The following SENP6 variants were observed in gnomAD, a reference collection of about 807,000 sequenced individuals.
SENP6 encodes the protein sentrin-specific protease 6.
In SENP6, 41 loss-of-function variants were observed where a neutral mutation model predicts 134.5. The observed-to-expected ratio is 0.30, with a 90% confidence interval of 0.24 to 0.40. The LOEUF (loss-of-function observed/expected upper bound fraction) is 0.40, where lower values mean the gene tolerates loss of function less well. Ranked by LOEUF, SENP6 falls within the 10% of genes least tolerant of loss-of-function variation. The pLI is 1.00. For missense variants in SENP6, 1,248 were observed against 1,312.5 expected (o/e 0.95, Z 0.76); for synonymous variants, 395 against 429.8 (o/e 0.92, Z 1.00).
chr6:75,634,618 G>C, intron 4 of SENP6, 89 bp from the exon 5 acceptor site: 1 of 654,516 alleles, frequency 1.5e-6, no homozygotes, highest in South Asian at 2.5e-5. Flanking sequence ...AGGTTTTTGT[G>C]TGTTTGTTCA....
At chr6:75,621,932 C>T (rs557152971) in intron 2 of SENP6, among the ~76,000 whole-genome samples, 50 of 152,262 alleles carry the variant, frequency 3.3e-4, no homozygotes, top group African/African-American at 1.1e-3. Flanking sequence ...AAAAGGCATT[C>T]TGTTCAGGCA....
intron 20 of SENP6, among the ~76,000 whole-genome samples, chr6:75,710,251 A>G (rs1480731308): frequency 6.6e-6 from 1 of 152,152 alleles, no homozygotes; most frequent in Non-Finnish European, 1.5e-5. Context: ...ATATTTAATT[A>G]AAGTTAATAT....
At chr6:75,613,005 T>C (rs993220285) in intron 1 of SENP6, among the ~76,000 whole-genome samples, 3 of 151,988 alleles carry the variant, frequency 2.0e-5, no homozygotes, top group Admixed American at 2.0e-4. Flanking sequence ...TCCCAGCTAC[T>C]TGGGAGGCTG....
chr6:75,640,767 T>A (rs975873897), intron 6 of SENP6, 63 bp downstream of exon 6: 1 of 1,058,204 alleles, frequency 9.4e-7, no homozygotes, highest in Admixed American at 2.9e-5. Context: ...ATTATTTATA[T>A]GTTTTGAAAA....
At chr6:75,650,709 A>C (rs2149852321) in intron 7 of SENP6, among the ~76,000 whole-genome samples, 1 of 152,318 alleles carries the variant, frequency 6.6e-6, no homozygotes, top group African/African-American at 2.4e-5. Flanking sequence ...AGGTAGGTAC[A>C]TGTATGCTTG....
intron 1 of SENP6, among the ~76,000 whole-genome samples, chr6:75,613,707 T>C (rs1767634988): frequency 6.6e-6 from 1 of 152,092 alleles, no homozygotes; most frequent in Non-Finnish European, 1.5e-5. Context: ...GACATGCTGC[T>C]CATTTAACCG....
intron 1 of SENP6, among the ~76,000 whole-genome samples, 154 bp from the exon 2 acceptor site, chr6:75,621,378 C>T (rs927168530): frequency 2.0e-5 from 3 of 152,102 alleles, no homozygotes; most frequent in Non-Finnish European, 4.4e-5. Context: ...TTCTTTTTCT[C>T]TTTGGAGGAA....
chr6:75,703,498 C>T (rs745537366), intron 19 of SENP6, among the ~76,000 whole-genome samples: 14 of 152,084 alleles, frequency 9.2e-5, no homozygotes, highest in Non-Finnish European at 1.9e-4. Flanking sequence ...CAGTGGCTCA[C>T]GACTGTAATC....
chr6:75,614,813 T>C (rs1000340693), intron 1 of SENP6, among the ~76,000 whole-genome samples: 1 of 152,314 alleles, frequency 6.6e-6, no homozygotes, highest in Non-Finnish European at 1.5e-5. Context: ...AATTAGATGT[T>C]TGCTGAAGGT....
intron 3 of SENP6, among the ~76,000 whole-genome samples, chr6:75,633,014 G>A (rs1193880512): frequency 1.3e-5 from 2 of 152,096 alleles, no homozygotes; most frequent in Non-Finnish European, 1.5e-5. Flanking sequence ...TTTTATAATT[G>A]TATGATAAAG....
chr6:75,664,260 TAAAA>T, intron 9 of SENP6, among the ~76,000 whole-genome samples: 1 of 140,504 alleles, frequency 7.1e-6, no homozygotes, highest in Non-Finnish European at 1.6e-5. Flanking sequence ...ACCCTGTTGC[TAAAA>T]AAAAAAAACA....
chr6:75,681,593 G>T (rs1013563915), intron 16 of SENP6, among the ~76,000 whole-genome samples: 19 of 151,994 alleles, frequency 1.3e-4, no homozygotes, highest in African/African-American at 4.6e-4. Flanking sequence ...CAGGTAGCTT[G>T]GATTACAGGT....
chr6:75,698,638 C>A (rs1193807481), intron 18 of SENP6, among the ~76,000 whole-genome samples: 1 of 152,068 alleles, frequency 6.6e-6, no homozygotes, highest in Non-Finnish European at 1.5e-5. Flanking sequence ...CCTAGCAAAG[C>A]TATATATTTT....
intron 6 of SENP6, among the ~76,000 whole-genome samples, chr6:75,643,646 T>C (rs1770200418): frequency 6.6e-6 from 1 of 152,108 alleles, no homozygotes; most frequent in African/African-American, 2.4e-5. Context: ...TGCTTGAACC[T>C]GGGAGGCGAA....
At chr6:75,657,814 T>G (rs1475965631) in intron 7 of SENP6, among the ~76,000 whole-genome samples, 1 of 152,142 alleles carries the variant, frequency 6.6e-6, no homozygotes, top group Admixed American at 6.5e-5. Context: ...AAGAAGAGTT[T>G]GAATTCACCA....
chr6:75,677,923 G>T (rs1773205090), intron 14 of SENP6: 2 of 152,198 alleles, frequency 1.3e-5, no homozygotes. Context: ...TACAAACTTG[G>T]AAATATGGCT....
At chr6:75,608,432 C>A (rs1176445854) in intron 1 of SENP6, among the ~76,000 whole-genome samples, 1 of 150,660 alleles carries the variant, frequency 6.6e-6, no homozygotes, top group African/African-American at 2.5e-5. Context: ...GCACTTCAGC[C>A]TGGGTGACAG....
intron 21 of SENP6, among the ~76,000 whole-genome samples, chr6:75,713,113 G>A (rs1775847895): frequency 6.6e-6 from 1 of 151,942 alleles, no homozygotes; most frequent in South Asian, 2.1e-4. Context: ...AAAATGGGCC[G>A]AGGTTGGGGG....
intron 13 of SENP6, 178 bp from the exon 14 acceptor site, chr6:75,676,852 A>T (rs1773116731): frequency 1.2e-5 from 6 of 519,378 alleles, no homozygotes; most frequent in Non-Finnish European, 2.0e-5. Context: ...ATTGGCATGT[A>T]ACACATACTG....
Sources: allele counts gnomAD v4.1 joint callset (sites outside exome capture counted in the v4.1 genomes callset), GRCh38; gene constraint gnomAD v4.1.1; transcripts MANE v1.5; gene names NCBI Gene and HGNC (gene_info 2026-07-23, HGNC 2026-07-21).